Variants in DNAH8 observed in about 807,000 individuals in gnomAD.
The protein encoded by DNAH8 is axonemal beta dynein heavy chain 8.
In DNAH8, 382 loss-of-function variants were observed where a neutral mutation model predicts 562.1. The observed-to-expected ratio is 0.68, with a 90% CI of 0.63 to 0.74. The LOEUF (loss-of-function observed/expected upper bound fraction) is 0.74, where lower values mean the gene tolerates loss of function less well. DNAH8 is among the 30% of genes least tolerant of loss of function. The probability of loss-of-function intolerance (pLI) is 0.00; values close to 1 mark genes in which losing one functional copy is unlikely to be tolerated. For missense variants in DNAH8, 5,203 were observed against 5,620.4 expected, an observed-to-expected ratio of 0.93 and a Z score of 2.37; for synonymous variants, 1,881 against 1,919.4, an observed-to-expected ratio of 0.98 and a Z score of 0.52.
chr6:39,008,969 A>G lies in DNAH8; in HGVS notation c.13370A>G (p.Glu4457Gly). 6.2e-7 allele frequency: 1 copy of G among 1,604,814 alleles called. No homozygotes were observed. The highest frequency in any genetic ancestry group is 8.5e-7 in the Non-Finnish European group (1 of 1,173,786). Residue 4457 changes from glutamate (E) to glycine (G), a missense_variant and splice_region_variant, in exon 89 of 93, where the codon GAG becomes GGG. Glu to Gly is a moderately conservative substitution (Grantham distance 98). This residue lies in a region of DNAH8 where 1,399 missense variants were observed against 1,518.4 expected (regional missense o/e 0.92). Transcript: ENST00000327475. The part of the protein sequence containing the change: ...SKLPPDYIPH[E>G]VKSRLIKMGH... The stretch of plus-strand genomic sequence containing the variant: ...CTCCCTCCTGATTACATTCCTCATG[A>G]GGTAAGTCTTGCTGGTTTCCCACTG...
At chr6:39,025,243 T>G (rs1313306605) in intron 91 of DNAH8, among the ~76,000 whole-genome samples, 2 of 152,176 alleles carry the variant, frequency 1.3e-5, no homozygotes, top group Non-Finnish European at 2.9e-5. Context: ...CTTCATCTTC[T>G]CAATTACGCT....
chr6:38,791,648 G>T lies in DNAH8; in HGVS notation c.2875G>T (p.Val959Leu), dbSNP rs1397624511. 3.1e-6 allele frequency: 5 copies of T among 1,613,914 alleles called. No individual in the cohort carries two copies. The South Asian group carries it at 5.5e-5, about 18-fold the overall frequency. ...TCTGCCTGAAAGTGGTGCTACCAAAGTAGAAGATATGTTGACCCTCAATGA... is the reference window on the plus strand; with the variant it reads ...TCTGCCTGAAAGTGGTGCTACCAAATTAGAAGATATGTTGACCCTCAATGA... ...ISLPESGATKVEDMLTLNETY... is the reference protein window; with the variant it reads ...ISLPESGATKLEDMLTLNETY... The change falls in exon 21 of 93, where the codon GTA (valine) becomes TTA (leucine). Residue 959 changes from valine to leucine, a missense_variant. Physicochemically the swap from Val to Leu is conservative, Grantham distance 32. Transcript: ENST00000327475.
chr6:38,760,544 C>T (rs1309888368), intron 10 of DNAH8, among the ~76,000 whole-genome samples: 7 of 151,848 alleles, frequency 4.6e-5, no homozygotes, highest in Non-Finnish European at 2.9e-5. Flanking sequence ...TCCTGAGAAA[C>T]AGTCCTCTTT....
chr6:38,905,882 A>G (rs914411951), intron 62 of DNAH8, among the ~76,000 whole-genome samples: 9 of 151,616 alleles, frequency 5.9e-5, no homozygotes, highest in Non-Finnish European at 8.8e-5. Context: ...AATTATGACT[A>G]TGGTTTTTTT....
intron 91 of DNAH8, among the ~76,000 whole-genome samples, chr6:39,023,827 C>T (rs1006082357): frequency 4.6e-5 from 7 of 152,210 alleles, no homozygotes; most frequent in African/African-American, 1.7e-4. Flanking sequence ...GGCCCATTAA[C>T]GTTTCCTATC....
At chr6:39,012,831 T>A (rs1178145758) in intron 91 of DNAH8, among the ~76,000 whole-genome samples, 194 bp downstream of exon 91, 1 of 152,250 alleles carries the variant, frequency 6.6e-6, no homozygotes, top group Admixed American at 6.5e-5. Flanking sequence ...AAGCTCTTCC[T>A]ATCAATTCTT....
intron 87 of DNAH8, among the ~76,000 whole-genome samples, chr6:38,986,105 A>G (rs896557612): frequency 1.3e-5 from 2 of 152,224 alleles, no homozygotes; most frequent in Non-Finnish European, 2.9e-5. Flanking sequence ...CTTCTGAACC[A>G]GAATCCTGCT....
At chr6:38,792,688 C>G (rs1022786479) in intron 21 of DNAH8, among the ~76,000 whole-genome samples, 1 of 152,180 alleles carries the variant, frequency 6.6e-6, no homozygotes, top group African/African-American at 2.4e-5. Context: ...CTCAAAAGCA[C>G]AAAGACAGGA....
intron 65 of DNAH8, among the ~76,000 whole-genome samples, chr6:38,911,204 G>GCA (rs1780867696): frequency 6.6e-6 from 1 of 152,218 alleles, no homozygotes; most frequent in South Asian, 2.1e-4. Flanking sequence ...AATTCTGGGA[G>GCA]GGGTAGAGCA....
At chr6:38,924,507 C>T (rs552288824) in intron 73 of DNAH8, among the ~76,000 whole-genome samples, 1 of 151,726 alleles carries the variant, frequency 6.6e-6, no homozygotes, top group South Asian at 2.1e-4. Flanking sequence ...TCCATCCCCC[C>T]CCCAAAAAAA....
chr6:39,004,086 T>C (rs896023881), intron 88 of DNAH8, among the ~76,000 whole-genome samples: 1 of 152,174 alleles, frequency 6.6e-6, no homozygotes, highest in Non-Finnish European at 1.5e-5. Flanking sequence ...CTAAAATTAA[T>C]ATATTTATGC....
At chr6:38,999,708 C>T (rs1207543933) in intron 88 of DNAH8, among the ~76,000 whole-genome samples, 1 of 151,576 alleles carries the variant, frequency 6.6e-6, no homozygotes, top group Non-Finnish European at 1.5e-5. Context: ...GAGGGGGAAT[C>T]CTGTGAAAAT....
At chr6:39,028,484 A>AT (rs1470530886) in intron 92 of DNAH8, among the ~76,000 whole-genome samples, 15 of 152,298 alleles carry the variant, frequency 9.8e-5, no homozygotes, top group Middle Eastern at 3.4e-3. Flanking sequence ...ATTCATCTGT[A>AT]TAAGTATATA....
intron 45 of DNAH8, 78 bp downstream of exon 45, chr6:38,864,138 G>C (rs1354700737): frequency 7.6e-7 from 1 of 1,312,932 alleles, no homozygotes; most frequent in African/African-American, 1.5e-5. Context: ...TGTGTTAATG[G>C]GTAGATGACC....
At chr6:38,777,274 CTTG>C (rs1242911169) in intron 13 of DNAH8, among the ~76,000 whole-genome samples, 8 of 151,640 alleles carry the variant, frequency 5.3e-5, no homozygotes, top group Non-Finnish European at 1.2e-4. Context: ...TTTTGAAAAA[CTTG>C]TTATCTCTTA....
chr6:38,851,886 C>T (rs531770290), intron 39 of DNAH8, among the ~76,000 whole-genome samples: 228 of 152,304 alleles, frequency 1.5e-3, no homozygotes, highest in Non-Finnish European at 2.5e-3. Flanking sequence ...CTATGCCATT[C>T]CTAGCTGTGT....
At chr6:38,741,456 C>G (rs933349654) in intron 7 of DNAH8, among the ~76,000 whole-genome samples, 12 of 134,990 alleles carry the variant, frequency 8.9e-5, no homozygotes, top group African/African-American at 3.1e-4. Context: ...CTACCTCCCC[C>G]CCGACCAAAA....
intron 91 of DNAH8, among the ~76,000 whole-genome samples, chr6:39,023,770 G>A (rs938767506): frequency 1.3e-5 from 2 of 152,200 alleles, no homozygotes; most frequent in African/African-American, 4.8e-5. Flanking sequence ...AAATGATCAA[G>A]ACTTGAAAGG....
rs66765653 is a variant in DNAH8, at chr6:38,914,392, C to CTTTTTTT, written c.9963+460_9963+466dup. The stretch of plus-strand genomic sequence containing the variant: ...GGTATATATGTGTGCTGCTTTTTCT[C>CTTTTTTT]TTTTTTTTTTTTTTTTTTTTTTTTT... On this transcript the variant is annotated intron_variant, in intron 67 of 92. Transcript: ENST00000327475. Among the ~76,000 whole-genome samples, 35 of 63,988 alleles carry CTTTTTTT rather than the reference C, an allele frequency of 5.5e-4. 2 individuals are homozygous for CTTTTTTT. The highest frequency in any genetic ancestry group is 8.2e-4 in the Non-Finnish European group (31 of 37,598). 42.0% of individuals were successfully genotyped at this position (63,988 alleles called of 152,430 possible).
Sources: allele counts gnomAD v4.1 joint callset (sites outside exome capture counted in the v4.1 genomes callset), GRCh38; gene constraint gnomAD v4.1.1; regional missense constraint gnomAD v4.1.1; transcripts MANE v1.5; gene names NCBI Gene and HGNC (gene_info 2026-07-23, HGNC 2026-07-21).